ATG10: variants seen among roughly 807,000 people sequenced by gnomAD.
The protein encoded by ATG10 is autophagy related 10.
A neutral mutation model predicts 32.1 loss-of-function variants in ATG10; 30 were observed. The ratio of observed to expected loss-of-function variants is 0.94; its 90% CI spans 0.70 to 1.27. The LOEUF is 1.27. Among genes scored for constraint, ATG10 ranks in the 50% most tolerant of loss-of-function variants. The pLI is 0.00. For missense variants in ATG10, 233 were observed against 262.3 expected, an observed-to-expected ratio of 0.89 and a Z score of 0.77; for synonymous variants, 87 against 91.5, an observed-to-expected ratio of 0.95 and a Z score of 0.28.
chr5:82,217,312 T>G (rs1279486641), intron 5 of ATG10, among the ~76,000 whole-genome samples: 3 of 152,156 alleles, frequency 2.0e-5, no homozygotes, highest in African/African-American at 7.2e-5. Context: ...ATGGTGGTGA[T>G]GGTGATGATG....
chr5:82,206,375 C>T (rs1216368172), intron 5 of ATG10, among the ~76,000 whole-genome samples: 4 of 152,026 alleles, frequency 2.6e-5, no homozygotes, highest in South Asian at 2.1e-4. Context: ...TCACCGGGCG[C>T]GGTGGCTCAC....
At chr5:82,047,422 CG>C (rs1763265937) in intron 2 of ATG10, among the ~76,000 whole-genome samples, 1 of 152,124 alleles carries the variant, frequency 6.6e-6, no homozygotes, top group African/African-American at 2.4e-5. Flanking sequence ...ATAAGGAAAA[CG>C]GAACTAGTGT....
At chr5:82,085,221 A>C (rs917936612) in intron 3 of ATG10, among the ~76,000 whole-genome samples, 15 of 152,014 alleles carry the variant, frequency 9.9e-5, no homozygotes, top group African/African-American at 3.6e-4. Flanking sequence ...AACAAAGATC[A>C]AAAGAGACAA....
At chr5:82,098,457 C>T (rs1367103098) in intron 3 of ATG10, among the ~76,000 whole-genome samples, 1 of 151,634 alleles carries the variant, frequency 6.6e-6, no homozygotes, top group Admixed American at 6.6e-5. Context: ...ATTGCAGGCG[C>T]CCACCACCAC....
At chr5:81,983,192 C>T (rs1761113287) in intron 1 of ATG10, among the ~76,000 whole-genome samples, 1 of 150,798 alleles carries the variant, frequency 6.6e-6, no homozygotes, top group Admixed American at 6.6e-5. Flanking sequence ...ACTGATCCCC[C>T]CACCTCCCTC....
chr5:82,114,907 C>G (rs769208157), intron 3 of ATG10, among the ~76,000 whole-genome samples: 12 of 151,984 alleles, frequency 7.9e-5, no homozygotes, highest in South Asian at 2.1e-4. Context: ...TTTTACAGTA[C>G]AATATGATCG....
intron 5 of ATG10, among the ~76,000 whole-genome samples, chr5:82,213,897 C>G (rs768314399): frequency 6.6e-6 from 1 of 152,208 alleles, no homozygotes; most frequent in Non-Finnish European, 1.5e-5. Flanking sequence ...TTTGTTGATA[C>G]ATTCTTTCAG....
At chr5:82,108,842 C>T (rs1765522296) in intron 3 of ATG10, among the ~76,000 whole-genome samples, 1 of 151,856 alleles carries the variant, frequency 6.6e-6, no homozygotes, top group Admixed American at 6.6e-5. Context: ...GCCATTGCCT[C>T]CATAGATGTA....
At chr5:82,008,352 T>TA (rs1232634859) in intron 2 of ATG10, among the ~76,000 whole-genome samples, 1 of 152,186 alleles carries the variant, frequency 6.6e-6, no homozygotes, top group Admixed American at 6.5e-5. Context: ...CAGTAGGCTG[T>TA]GTTTTTGTAA....
At chr5:82,214,859 G>T (rs180690356) in intron 5 of ATG10, among the ~76,000 whole-genome samples, 1 of 152,152 alleles carries the variant, frequency 6.6e-6, no homozygotes, top group Non-Finnish European at 1.5e-5. Context: ...AGAGGACAGG[G>T]ATCATGTGTG....
At chr5:82,216,925 C>T (rs1005799705) in intron 5 of ATG10, among the ~76,000 whole-genome samples, 2 of 151,820 alleles carry the variant, frequency 1.3e-5, no homozygotes, top group Non-Finnish European at 2.9e-5. Flanking sequence ...TGTAGTGGTG[C>T]GTGCCTGTAG....
intron 5 of ATG10, among the ~76,000 whole-genome samples, chr5:82,184,564 T>C (rs902553089): frequency 1.3e-5 from 2 of 152,082 alleles, no homozygotes; most frequent in African/African-American, 4.8e-5. Context: ...TCGCTGTCTC[T>C]CTCATCAAAC....
At chr5:82,042,411 G>A (rs1763111341) in intron 2 of ATG10, among the ~76,000 whole-genome samples, 1 of 152,104 alleles carries the variant, frequency 6.6e-6, no homozygotes. Flanking sequence ...ATGAGATTTG[G>A]GCGGGGATAC....
At position 82,222,344 on chromosome 5, in the gene ATG10, T is replaced by C. The variant is rs527738076; in HGVS notation, c.454-30218T>C. Among the ~76,000 whole-genome samples, 3 of 152,228 alleles carry C rather than the reference T, an allele frequency of 2.0e-5. No individual in the cohort carries two copies. In the East Asian group the frequency reaches 5.8e-4, roughly 29 times the overall value. ...CAAGGTACTGAGCCTTTCTATGCCT[T>C]AATTTCCTCATCTGTGAAATGGTGA... is the stretch of plus-strand genomic sequence containing the variant. On this transcript the variant is annotated intron_variant, in intron 5 of 7. Transcript: ENST00000282185.
intron 3 of ATG10, among the ~76,000 whole-genome samples, chr5:82,150,323 T>G (rs1021365307): frequency 1.3e-5 from 2 of 151,058 alleles, no homozygotes; most frequent in Non-Finnish European, 2.9e-5. Flanking sequence ...TCACTACGTA[T>G]AATTTTTCAG....
chr5:81,981,634 C>T (rs1468130684), intron 1 of ATG10, among the ~76,000 whole-genome samples: 4 of 152,170 alleles, frequency 2.6e-5, no homozygotes, highest in African/African-American at 9.7e-5. Context: ...ATGTATGCAT[C>T]GCATGTTCTG....
Position 82,151,102 on chromosome 5 carries a change from G to A in ATG10, c.217-13297G>A, listed in dbSNP as rs566736717. Reference sequence around the variant, plus strand: ...TTAAAGTGAATGCATGCCCCCAGAGGGCTTGCAAAACAATCCATTGAGATG... The same window carrying A: ...TTAAAGTGAATGCATGCCCCCAGAGAGCTTGCAAAACAATCCATTGAGATG... On this transcript the variant is annotated intron_variant, in intron 3 of 7. Coordinates refer to ENST00000282185, the MANE Select transcript of ATG10 (RefSeq NM_031482.5). 3.9e-5 allele frequency among the ~76,000 whole-genome samples: 6 copies of A among 151,988 alleles called. No individual in the cohort carries two copies. The South Asian group carries it at 1.3e-3, about 32-fold the overall frequency.
intron 2 of ATG10, among the ~76,000 whole-genome samples, chr5:82,004,180 A>G (rs1761927443): frequency 6.6e-6 from 1 of 152,200 alleles, no homozygotes; most frequent in South Asian, 2.1e-4. Flanking sequence ...TATCACTTTA[A>G]GCCCCTAATG....
At chr5:81,988,071 A>G (rs1408448760) in intron 2 of ATG10, among the ~76,000 whole-genome samples, 2 of 152,250 alleles carry the variant, frequency 1.3e-5, no homozygotes, top group Non-Finnish European at 2.9e-5. Flanking sequence ...AACCATAAAC[A>G]ATCACAAATT....
Sources: allele counts gnomAD v4.1 joint callset (sites outside exome capture counted in the v4.1 genomes callset), GRCh38; gene constraint gnomAD v4.1.1; transcripts MANE v1.5; gene names NCBI Gene and HGNC (gene_info 2026-07-23, HGNC 2026-07-21).